The following PRICKLE4 variants were observed in gnomAD, a reference collection of about 807,000 sequenced individuals.
PRICKLE4 encodes prickle-like protein 4.
PRICKLE4 carries 40 observed loss-of-function variants against 43.5 expected under a neutral mutation model. The observed-to-expected ratio is 0.92, with a 90% CI of 0.71 to 1.20. The LOEUF (loss-of-function observed/expected upper bound fraction) is 1.20. PRICKLE4 is among the 50% of genes most tolerant of loss of function. The probability of loss-of-function intolerance (pLI) is 0.00; values close to 1 mark genes in which losing one functional copy is unlikely to be tolerated. For missense variants in PRICKLE4, 527 were observed against 491.2 expected (o/e 1.07, Z -0.69); for synonymous variants, 208 against 197.4 (o/e 1.05, Z -0.45).
In PRICKLE4 at chr6:41,787,409, A is replaced by AC; in HGVS notation, c.*282dup. 2 of 606,872 alleles carry AC rather than the reference A, an allele frequency of 3.3e-6. No homozygotes were observed. Among genetic ancestry groups the AC allele is most frequent in the Non-Finnish European group, 5.6e-6 (2 of 354,628 alleles). The allele number at this position is 606,872 out of a possible 1,614,324, so 37.6% of individuals were successfully genotyped here. On this transcript the variant is annotated 3_prime_UTR_variant, in exon 8 of 8. Coordinates refer to ENST00000458694, the MANE Select transcript of PRICKLE4 (RefSeq NM_013397.6). ...CACAGGCTGGGACAGCCCCGTCCCC[A>AC]CCATCCTCCTCCCAAGCCAATTAAA...
chr6:41,787,256 A>C lies in PRICKLE4; in HGVS notation c.*127A>C, dbSNP rs544970992. On this transcript the variant is annotated 3_prime_UTR_variant, in exon 8 of 8. Coordinates refer to ENST00000458694, the MANE Select transcript of PRICKLE4 (RefSeq NM_013397.6). ...AGGCGCACGCCCGCAAGAGGCGGCG[A>C]GGTGACAAGTTTGGAGTGCGCCCCC... 9 of 1,377,684 alleles carry C rather than the reference A, an allele frequency of 6.5e-6. No homozygotes were observed. The East Asian group carries it at 2.0e-4, about 31-fold the overall frequency. The allele number at this position is 1,377,684 out of a possible 1,614,324, so 85.3% of individuals were successfully genotyped here.
chr6:41,781,889 G>A, intron 2 of PRICKLE4, among the ~76,000 whole-genome samples: 1 of 152,170 alleles, frequency 6.6e-6, no homozygotes, highest in Non-Finnish European at 1.5e-5. Context: ...TATTCTAGAA[G>A]AGTCCTTGGC....
chr6:41,787,149 G>A lies in PRICKLE4; in HGVS notation c.*20G>A. On this transcript the variant is annotated 3_prime_UTR_variant, in exon 8 of 8. Transcript: ENST00000458694. ...TGCTAGTGGCGCAGCTCAGAGAGGGGATGTGAGTGGGAGGAAAGGGGTCTG... is the reference window on the plus strand; with the variant it reads ...TGCTAGTGGCGCAGCTCAGAGAGGGAATGTGAGTGGGAGGAAAGGGGTCTG... 1 of 1,580,040 alleles carries A rather than the reference G, an allele frequency of 6.3e-7. No individual in the cohort carries two copies. Among genetic ancestry groups the A allele is most frequent in the Non-Finnish European group, 8.6e-7 (1 of 1,167,688 alleles).
chr6:41,786,609 C>CG (rs1256907465), intron 7 of PRICKLE4, 153 bp from the exon 8 acceptor site: 1 of 1,303,888 alleles, frequency 7.7e-7, no homozygotes, highest in African/African-American at 1.6e-5. Context: ...CTGGTGGAGG[C>CG]GGGGGACCCT....
At position 41,787,119 on chromosome 6, in the gene PRICKLE4, C is replaced by G. The variant is rs371244490; in HGVS notation, c.1145C>G (p.Thr382Ser). ...EDSNASKTHC[T>S]MC ...AGCAACGCCTCTAAGACGCACTGCA[C>G]CATGTGCTAGTGGCGCAGCTCAGAG... The change falls in exon 8 of 8, where the codon ACC becomes AGC. Residue 382 changes from threonine (T) to serine (S), a missense_variant. Transcript: ENST00000458694. 1 of 1,603,906 alleles carries G rather than the reference C, an allele frequency of 6.2e-7. No homozygotes were observed. The highest frequency in any genetic ancestry group is 1.1e-5 in the South Asian group (1 of 90,724).
intron 1 of PRICKLE4, 35 bp from the exon 2 acceptor site, chr6:41,781,315 G>C (rs1240150095): frequency 6.5e-6 from 1 of 152,760 alleles, no homozygotes; most frequent in African/African-American, 2.4e-5. Flanking sequence ...ATTTCTGAGT[G>C]TTGTTTCTGT....
Position 41,786,629 on chromosome 6 carries a change from T to C in PRICKLE4, c.788-133T>C, listed in dbSNP as rs1320140714. ...GGAGGCGGGGGACCCTGGCGAGGAC[T>C]CTCGGCGGCGGCGGCGGCGCGCACG... On this transcript the variant is annotated intron_variant, in intron 7 of 7. Transcript: ENST00000458694. 7.7e-6 allele frequency: 11 copies of C among 1,422,936 alleles called. No individual in the cohort carries two copies. In the Admixed American group the frequency reaches 2.4e-4, roughly 31 times the overall value. 88.1% of individuals were successfully genotyped at this position (1,422,936 alleles called of 1,614,324 possible).
At chr6:41,785,562 C>A (rs1247826590) in intron 6 of PRICKLE4, 22 bp downstream of exon 6, 1 of 1,605,702 alleles carries the variant, frequency 6.2e-7, no homozygotes, top group Admixed American at 1.7e-5. Context: ...AGGGGAGGAA[C>A]TGGGGGTCTG....
chr6:41,785,202 T>G, intron 5 of PRICKLE4, 130 bp downstream of exon 5: 2 of 1,530,210 alleles, frequency 1.3e-6, no homozygotes, highest in Non-Finnish European at 1.8e-6. Flanking sequence ...GTTTGCAAGC[T>G]CTTGGTATAG....
Position 41,785,408 on chromosome 6 carries a change from C to T in PRICKLE4, c.450C>T (p.His150=), listed in dbSNP as rs371546779. 33 of 1,614,044 alleles carry T rather than the reference C, an allele frequency of 2.0e-5. No individual in the cohort carries two copies. In the African/African-American group the frequency reaches 2.7e-4, roughly 13 times the overall value. The change falls in exon 6 of 8, where the codon CAC becomes CAT. Residue 150 remains histidine, a synonymous_variant. Coordinates refer to ENST00000458694, the MANE Select transcript of PRICKLE4 (RefSeq NM_013397.6). ...AARAGEQRCW[H]QPCFACQACG... ...GGGCAGGGGAACAGCGCTGCTGGCACCAGCCTTGCTTTGCCTGCCAGGCCT... is the reference window on the plus strand; with the variant it reads ...GGGCAGGGGAACAGCGCTGCTGGCATCAGCCTTGCTTTGCCTGCCAGGCCT...
chr6:41,787,003 C>G lies in PRICKLE4; in HGVS notation c.1029C>G (p.Ser343=). The stretch of plus-strand genomic sequence containing the variant: ...AGGACACCCCTTTCTCCACCTGCTC[C>G]TCCTCCTCTGACTCGGAACCTGAAG... The part of the protein sequence containing the change: ...DPKDTPFSTC[S]SSSDSEPEGF... Residue 343 remains serine, a synonymous_variant, in exon 8 of 8, where the codon TCC becomes TCG. Coordinates refer to ENST00000458694, the MANE Select transcript of PRICKLE4 (RefSeq NM_013397.6). The G allele has an allele frequency of 1.2e-6, 2 of 1,614,160 alleles. No individual in the cohort carries two copies. The highest frequency in any genetic ancestry group is 1.7e-6 in the Non-Finnish European group (2 of 1,180,036).
chr6:41,783,884 A>C (rs1772595451), intron 3 of PRICKLE4: 1 of 730,942 alleles, frequency 1.4e-6, no homozygotes, highest in South Asian at 1.5e-5. Flanking sequence ...AAGAAGGGAA[A>C]GCATAAGAAG....
chr6:41,782,574 G>C (rs1368695046), intron 2 of PRICKLE4, among the ~76,000 whole-genome samples: 2 of 151,214 alleles, frequency 1.3e-5, no homozygotes, highest in Admixed American at 6.6e-5. Flanking sequence ...AATATTTTTA[G>C]TAGAGAGGAG....
At chr6:41,786,715 C>T (rs781607175) in intron 7 of PRICKLE4, 47 bp from the exon 8 acceptor site, 2 of 1,610,986 alleles carry the variant, frequency 1.2e-6, no homozygotes, top group East Asian at 4.5e-5. Flanking sequence ...GGTGTAGGTC[C>T]AGCTCCGCGG....
At chr6:41,784,789 T>C (rs1278782441) in intron 4 of PRICKLE4, 146 bp from the exon 5 acceptor site, 3 of 1,068,296 alleles carry the variant, frequency 2.8e-6, no homozygotes, top group African/African-American at 1.6e-5. Flanking sequence ...CCTTTTCCAT[T>C]TCCTCTTCTA....
At chr6:41,785,598 A>G (rs1772629873) in intron 6 of PRICKLE4, 58 bp downstream of exon 6, 2 of 1,534,056 alleles carry the variant, frequency 1.3e-6, no homozygotes, top group African/African-American at 1.4e-5. Context: ...GGCAGGATAC[A>G]AAGGGACACT....
At position 41,786,945 on chromosome 6, in the gene PRICKLE4, A is replaced by G. The variant is rs1376010206; in HGVS notation, c.971A>G (p.Glu324Gly). The change falls in exon 8 of 8, where the codon GAG becomes GGG. Residue 324 changes from glutamate to glycine, a missense_variant. By Grantham distance (98) the Glu-to-Gly change is moderately conservative. Transcript: ENST00000458694. The stretch of plus-strand genomic sequence containing the variant: ...AAAGCGGAGGCACCCAAAGGGCAGG[A>G]GCAATGCCGCCTGGAGACTATTCGT... ...GDKAEAPKGQEQCRLETIRDP... is the reference protein window; with the variant it reads ...GDKAEAPKGQGQCRLETIRDP... 1 of 1,613,930 alleles carries G rather than the reference A, an allele frequency of 6.2e-7. No individual in the cohort carries two copies. The highest frequency in any genetic ancestry group is 1.3e-5 in the African/African-American group (1 of 74,890).
chr6:41,786,369 T>C (rs745504286), intron 7 of PRICKLE4, 37 bp downstream of exon 7: 9 of 1,538,948 alleles, frequency 5.8e-6, no homozygotes, highest in Non-Finnish European at 3.5e-6. Flanking sequence ...GGGAGGGAGC[T>C]TGGGCTGGGC....
chr6:41,784,961 G>A lies in PRICKLE4; in HGVS notation c.267G>A (p.Glu89=). The change falls in exon 5 of 8, where the codon GAG becomes GAA. Residue 89 remains glutamate (E), a synonymous_variant. Coordinates refer to ENST00000458694, the MANE Select transcript of PRICKLE4 (RefSeq NM_013397.6). ...IDERYCLALG[E]EERAELQLFC... is the part of the protein sequence containing the mutation. ...AGCGCTACTGCCTGGCCCTTGGGGAGGAGGAGCGGGCCGAGCTGCAGCTCT... is the reference window on the plus strand; with the variant it reads ...AGCGCTACTGCCTGGCCCTTGGGGAAGAGGAGCGGGCCGAGCTGCAGCTCT... The A allele has an allele frequency of 1.2e-6, 2 of 1,614,042 alleles. No individual in the cohort carries two copies. The highest frequency in any genetic ancestry group is 1.1e-5 in the South Asian group (1 of 91,068).
Sources: gnomAD v4.1 joint callset for allele counts (sites outside exome capture counted in the v4.1 genomes callset) on GRCh38, gnomAD v4.1.1 for gene constraint, MANE v1.5 for transcripts, NCBI Gene and HGNC (gene_info 2026-07-23, HGNC 2026-07-21) for gene names.